ASMT: variants seen among roughly 807,000 people sequenced by gnomAD.
ASMT encodes the protein acetylserotonin N-methyltransferase.
In ASMT, 53 loss-of-function variants were observed where a neutral mutation model predicts 41.3. The observed-to-expected ratio is 1.28, with a 90% CI of 1.03 to 1.61. The LOEUF (loss-of-function observed/expected upper bound fraction) is 1.61, where lower values mean the gene tolerates loss of function less well. Ranked by LOEUF, ASMT falls within the 40% of genes most tolerant of loss-of-function variation. The pLI is 0.00. For missense variants in ASMT, 531 were observed against 441.3 expected (o/e 1.20, Z -1.82); for synonymous variants, 231 against 184.8 (o/e 1.25, Z -2.03).
intron 8 of ASMT, among the ~76,000 whole-genome samples, chrX:1,642,297 T>C (rs1412628818): frequency 6.7e-6 from 1 of 148,388 alleles, no homozygotes; most frequent in East Asian, 2.0e-4. Context: ...CCCAGTGTCC[T>C]GTGAGGTCCA....
intron 1 of ASMT, among the ~76,000 whole-genome samples, chrX:1,621,974 C>T (rs1425812815): frequency 3.3e-5 from 5 of 151,538 alleles, no homozygotes; most frequent in African/African-American, 7.3e-5. Context: ...GGATGACAGG[C>T]GTGAGCCACC....
At chrX:1,623,056 G>C (rs1196306034) in intron 1 of ASMT, 83 bp from the exon 2 acceptor site, 1 of 1,397,716 alleles carries the variant, frequency 7.2e-7, no homozygotes, top group East Asian at 2.3e-5. Flanking sequence ...TTCCTCCCTA[G>C]CCTGCCATGG....
chrX:1,636,601 C>G lies in ASMT; in HGVS notation c.910+41C>G, dbSNP rs73620123. 7 of 1,613,418 alleles carry G rather than the reference C, an allele frequency of 4.3e-6. No individual in the cohort carries two copies. The African/African-American group carries it at 9.3e-5, about 22-fold the overall frequency. Reference sequence around the variant, plus strand: ...TGCATTTCAGCGTGTGCTTGTGACACGGGGCAGAATTGTACGAGTCACATT... The same window carrying G: ...TGCATTTCAGCGTGTGCTTGTGACAGGGGGCAGAATTGTACGAGTCACATT... On this transcript the variant is annotated intron_variant, in intron 8 of 8. Coordinates refer to ENST00000381241, the MANE Select transcript of ASMT (RefSeq NM_001171038.2).
At chrX:1,622,120 G>A (rs1440397342) in intron 1 of ASMT, among the ~76,000 whole-genome samples, 1 of 152,078 alleles carries the variant, frequency 6.6e-6, no homozygotes, top group African/African-American at 2.4e-5. Flanking sequence ...AGCCTCCCGA[G>A]TAGCTGGGAT....
Position 1,624,220 on chromosome X carries a change from G to C in ASMT, c.245-49G>C, listed in dbSNP as rs756757646. The C allele has an allele frequency of 3.8e-5, 62 of 1,612,986 alleles. No homozygotes were observed. In the African/African-American group the frequency reaches 6.0e-4, roughly 16 times the overall value. On this transcript the variant is annotated intron_variant, in intron 2 of 8. Transcript: ENST00000381241. Reference sequence around the variant, plus strand: ...CGAGCTGGGGAGCGTCCGCCGGCAGGAACTCGGAATCTCACTGCTTTTTCC... The same window carrying C: ...CGAGCTGGGGAGCGTCCGCCGGCAGCAACTCGGAATCTCACTGCTTTTTCC...
rs113577521 is a variant in ASMT, at chrX:1,615,797, G to C, written c.69+529G>C. 2.1e-3 allele frequency among the ~76,000 whole-genome samples: 323 copies of C among 151,134 alleles called. 1 individual carries two copies. Among genetic ancestry groups the C allele is most frequent in the Non-Finnish European group, 3.9e-3 (264 of 67,830 alleles). ...CGCCTGGGGGACACAGCAAGACTCT[G>C]TGTCAAAAAAAAACCAAACAAACAA... is the stretch of plus-strand genomic sequence containing the variant. On this transcript the variant is annotated intron_variant, in intron 1 of 8. Coordinates refer to ENST00000381241, the MANE Select transcript of ASMT (RefSeq NM_001171038.2).
intron 7 of ASMT, among the ~76,000 whole-genome samples, chrX:1,633,510 T>C (rs766176429): frequency 1.3e-4 from 20 of 152,172 alleles, no homozygotes; most frequent in African/African-American, 4.8e-4. Context: ...GAGTCTTGCT[T>C]TGTCGCCCAG....
chrX:1,642,055 C>T (rs1286588019), intron 8 of ASMT, among the ~76,000 whole-genome samples: 1 of 144,554 alleles, frequency 6.9e-6, no homozygotes, highest in Admixed American at 7.3e-5. Context: ...TGAGGTCCAT[C>T]CATCCTGATG....
At chrX:1,615,810 A>C (rs756252240) in intron 1 of ASMT, among the ~76,000 whole-genome samples, 15 of 151,878 alleles carry the variant, frequency 9.9e-5, no homozygotes, top group African/African-American at 2.6e-4. Flanking sequence ...TCAAAAAAAA[A>C]CCAAACAAAC....
intron 1 of ASMT, among the ~76,000 whole-genome samples, chrX:1,615,524 C>A (rs1250605564): frequency 6.6e-5 from 10 of 152,044 alleles, no homozygotes; most frequent in African/African-American, 2.4e-4. Context: ...TACATTGGGC[C>A]AGTCGTGGTG....
chrX:1,630,610 G>A (rs1934738630), intron 5 of ASMT, among the ~76,000 whole-genome samples: 1 of 152,000 alleles, frequency 6.6e-6, no homozygotes, highest in Admixed American at 6.6e-5. Context: ...AGGCTCGAGT[G>A]CAATGGTGTG....
In ASMT at chrX:1,637,011, A is replaced by T. The variant is rs868574336; in HGVS notation, c.910+451A>T. On this transcript the variant is annotated intron_variant, in intron 8 of 8. Transcript: ENST00000381241. ...CACAGCCTCTGTGTGTGATGGGGAC[A>T]GTGTCCCAGCTCTCCTGTGAGGTCC... Among the ~76,000 whole-genome samples the T allele has an allele frequency of 1.8e-3, 121 of 69,084 alleles. 4 individuals carry two copies. The highest frequency in any genetic ancestry group is 9.2e-3 in the East Asian group (12 of 1,310). The allele number at this position is 69,084 out of a possible 152,430, so 45.3% of individuals were successfully genotyped here.
chrX:1,636,421 C>G lies in ASMT; in HGVS notation c.788-17C>G, dbSNP rs374354625. On this transcript the variant is annotated splice_polypyrimidine_tract_variant and intron_variant, in intron 7 of 8. Coordinates refer to ENST00000381241, the MANE Select transcript of ASMT (RefSeq NM_001171038.2). ...TGGATTGCAGGCTGACCTCGGTGTG[C>G]CTGCCCTGTGTTCCAGGGGATTTCT... 659 of 1,613,866 alleles carry G rather than the reference C, an allele frequency of 4.1e-4. 2 individuals carry two copies. The highest frequency in any genetic ancestry group is 5.2e-4 in the Non-Finnish European group (616 of 1,179,844).
rs1556110215 is a variant in ASMT at position 1,627,633 on chromosome X, C to CGAAATGAAATGAATGAAATGAAAT, written c.375-57_375-56insTGAAATGAAATGAAATGAAATGAA. 7 of 1,199,432 alleles carry CGAAATGAAATGAATGAAATGAAAT rather than the reference C, an allele frequency of 5.8e-6. No individual in the cohort carries two copies. The African/African-American group carries it at 1.1e-4, about 18-fold the overall frequency. The allele number at this position is 1,199,432 out of a possible 1,614,324, so 74.3% of individuals were successfully genotyped here. A position where few individuals can be genotyped will look rare whatever the true frequency, so the allele number is the denominator to read the frequency against. ...TGAAATGAAATGAAACGAAATGAAA[C>CGAAATGAAATGAATGAAATGAAAT]GAAATGAAATGAAATGAAATGAAAT... On this transcript the variant is annotated intron_variant, in intron 3 of 8. Transcript: ENST00000381241.
rs1177478934 is a variant in ASMT, at chrX:1,640,454, TGA to T, written c.911-2346_911-2345del. Among the ~76,000 whole-genome samples the T allele has an allele frequency of 1.1e-3, 42 of 39,748 alleles. 3 individuals are homozygous for T. Among genetic ancestry groups the T allele is most frequent in the South Asian group, 7.2e-3 (6 of 832 alleles). 26.1% of individuals were successfully genotyped at this position (39,748 alleles called of 152,430 possible). A position where few individuals can be genotyped will look rare whatever the true frequency, so the allele number is the denominator to read the frequency against. ...AGGATGTGGGCACAGCCTCTGTGTG[TGA>T]GATAGGGACCATGTCCCAGCTCTCC... On this transcript the variant is annotated intron_variant, in intron 8 of 8. Coordinates refer to ENST00000381241, the MANE Select transcript of ASMT (RefSeq NM_001171038.2).
At position 1,636,424 on chromosome X, in the gene ASMT, G is replaced by T; in HGVS notation, c.788-14G>T. On this transcript the variant is annotated splice_polypyrimidine_tract_variant and intron_variant, in intron 7 of 8. Coordinates refer to ENST00000381241, the MANE Select transcript of ASMT (RefSeq NM_001171038.2). ...ATTGCAGGCTGACCTCGGTGTGCCT[G>T]CCCTGTGTTCCAGGGGATTTCTTCA... The T allele has an allele frequency of 6.2e-7, 1 of 1,613,924 alleles. No individual in the cohort carries two copies. The highest frequency in any genetic ancestry group is 2.2e-5 in the East Asian group (1 of 44,874).
At chrX:1,628,182 G>T (rs554685461) in intron 4 of ASMT, 1 of 246,226 alleles carries the variant, frequency 4.1e-6, no homozygotes, top group Non-Finnish European at 7.9e-6. Context: ...TTAGCCGGGC[G>T]TGGTGGCGGA....
chrX:1,642,540 C>G (rs1486053002), intron 8 of ASMT, among the ~76,000 whole-genome samples: 27 of 142,978 alleles, frequency 1.9e-4, no homozygotes, highest in Admixed American at 1.0e-3. Context: ...TGTCCCAGTT[C>G]TCCTGTGAGG....
At chrX:1,615,461 G>C (rs1199758510) in intron 1 of ASMT, among the ~76,000 whole-genome samples, 193 bp downstream of exon 1, 1 of 152,040 alleles carries the variant, frequency 6.6e-6, no homozygotes, top group Non-Finnish European at 1.5e-5. Context: ...TCTGGGGACA[G>C]CTTGGTTTGA....
Sources: allele counts gnomAD v4.1 joint callset (sites outside exome capture counted in the v4.1 genomes callset), GRCh38; gene constraint gnomAD v4.1.1; transcripts MANE v1.5; gene names NCBI Gene and HGNC (gene_info 2026-07-23, HGNC 2026-07-21).